Variants in CEMIP observed in about 807,000 individuals in gnomAD.
CEMIP encodes cell migration inducing hyaluronidase 1, also known as cell migration-inducing and hyaluronan-binding protein.
CEMIP carries 105 observed loss-of-function variants against 156.9 expected under a neutral mutation model. That is an observed-to-expected ratio of 0.67 (90% confidence interval 0.57 to 0.79). The LOEUF (loss-of-function observed/expected upper bound fraction) is 0.79, where lower values mean the gene tolerates loss of function less well. CEMIP is among the 30% of genes least tolerant of loss of function. The pLI is 0.00. For synonymous variants in CEMIP, 676 were observed against 668.4 expected (o/e 1.01, Z -0.17); for missense variants, 1,457 against 1,769.4 (o/e 0.82, Z 3.17).
chr15:80,875,137 G>T (rs1532956), intron 3 of CEMIP, among the ~76,000 whole-genome samples: 1 of 140,412 alleles, frequency 7.1e-6, no homozygotes, highest in Non-Finnish European at 1.5e-5. Flanking sequence ...GGGCTCAAAA[G>T]ATTCTCTCAT....
chr15:80,946,632 G>A (rs1047581993), intron 28 of CEMIP: 1 of 342,280 alleles, frequency 2.9e-6, no homozygotes, highest in Non-Finnish European at 5.7e-6. Flanking sequence ...AAGTCCTACT[G>A]TGTGCCGAGC....
chr15:80,914,238 A>G (rs994690757), intron 14 of CEMIP, among the ~76,000 whole-genome samples: 3 of 152,264 alleles, frequency 2.0e-5, no homozygotes, highest in African/African-American at 4.8e-5. Flanking sequence ...GGAATGGTCC[A>G]GTACTTTTGT....
At chr15:80,852,055 C>T (rs895151202) in intron 1 of CEMIP, among the ~76,000 whole-genome samples, 15 of 151,994 alleles carry the variant, frequency 9.9e-5, no homozygotes, top group Admixed American at 5.9e-4. Context: ...GTTGAGTTCA[C>T]GAGCAAGAGT....
At chr15:80,822,630 T>C (rs184317716) in intron 1 of CEMIP, among the ~76,000 whole-genome samples, 1 of 152,368 alleles carries the variant, frequency 6.6e-6, no homozygotes, top group East Asian at 1.9e-4. Context: ...ACATTAGCAG[T>C]GTCAATACCA....
In CEMIP at chr15:80,950,127, A is replaced by G. The variant is rs1252952383; in HGVS notation, c.*1203A>G. 1 of 152,252 alleles carries G rather than the reference A, an allele frequency of 6.6e-6. No homozygotes were observed. Among genetic ancestry groups the G allele is most frequent in the Admixed American group, 6.5e-5 (1 of 15,282 alleles). 9.4% of individuals were successfully genotyped at this position (152,252 alleles called of 1,614,324 possible). On this transcript the variant is annotated 3_prime_UTR_variant, in exon 30 of 30. Coordinates refer to ENST00000394685, the MANE Select transcript of CEMIP (RefSeq NM_001293298.2). ...TTGCTCTTCATCCAGGGAACTGAGC[A>G]CAGGGGGCCTCCAGGAGACCCTAGA...
intron 25 of CEMIP, among the ~76,000 whole-genome samples, chr15:80,939,367 G>C (rs138475095): frequency 5.9e-5 from 9 of 152,290 alleles, no homozygotes; most frequent in African/African-American, 2.2e-4. Flanking sequence ...GGGCCCAGGG[G>C]CCAGGAGTAT....
chr15:80,787,261 T>G (rs1260705616), intron 1 of CEMIP, among the ~76,000 whole-genome samples: 1 of 152,228 alleles, frequency 6.6e-6, no homozygotes, highest in Non-Finnish European at 1.5e-5. Flanking sequence ...TATGAATTAT[T>G]GAAGATGGTG....
At chr15:80,900,646 GTGTC>G (rs1567090969) in intron 12 of CEMIP, among the ~76,000 whole-genome samples, 154 of 117,332 alleles carry the variant, frequency 1.3e-3, no homozygotes, top group African/African-American at 3.3e-3. Flanking sequence ...GTGTGTGTGT[GTGTC>G]TGTGTGTGTG....
At chr15:80,898,366 C>T (rs1233023147) in intron 12 of CEMIP, among the ~76,000 whole-genome samples, 1 of 152,142 alleles carries the variant, frequency 6.6e-6, no homozygotes, top group East Asian at 1.9e-4. Context: ...ATATGTGAGG[C>T]ACTTACAATA....
At chr15:80,833,629 C>G (rs1459569911) in intron 1 of CEMIP, among the ~76,000 whole-genome samples, 1 of 151,072 alleles carries the variant, frequency 6.6e-6, no homozygotes, top group Non-Finnish European at 1.5e-5. Flanking sequence ...CCCTCCTCAT[C>G]ATCATCATTT....
intron 28 of CEMIP, 78 bp from the exon 29 acceptor site, chr15:80,946,887 C>G: frequency 2.0e-6 from 2 of 980,478 alleles, no homozygotes; most frequent in South Asian, 2.7e-5. Flanking sequence ...CCACCATGCA[C>G]AAACCAACAT....
chr15:80,801,636 C>T (rs566502048), intron 1 of CEMIP, among the ~76,000 whole-genome samples: 8 of 152,206 alleles, frequency 5.3e-5, no homozygotes, highest in Non-Finnish European at 1.2e-4. Flanking sequence ...TTGCAAAAGA[C>T]AAGGATCTGA....
intron 10 of CEMIP, among the ~76,000 whole-genome samples, chr15:80,891,788 A>G (rs575875563): frequency 1.3e-5 from 2 of 152,334 alleles, no homozygotes; most frequent in African/African-American, 4.8e-5. Context: ...TCTTTAATCA[A>G]TGGTCATCTC....
intron 1 of CEMIP, among the ~76,000 whole-genome samples, chr15:80,802,134 A>G (rs1896392488): frequency 6.6e-6 from 1 of 152,230 alleles, no homozygotes; most frequent in Non-Finnish European, 1.5e-5. Flanking sequence ...TAATTCTGCC[A>G]ACATGGCCTG....
At chr15:80,786,276 A>T (rs1895934994) in intron 1 of CEMIP, among the ~76,000 whole-genome samples, 1 of 151,760 alleles carries the variant, frequency 6.6e-6, no homozygotes, top group African/African-American at 2.4e-5. Context: ...CACTTTTGTC[A>T]CCCGGGCTAG....
At chr15:80,780,922 G>A (rs1895775929) in intron 1 of CEMIP, among the ~76,000 whole-genome samples, 1 of 152,202 alleles carries the variant, frequency 6.6e-6, no homozygotes, top group Non-Finnish European at 1.5e-5. Flanking sequence ...GGGGCCCTCG[G>A]TATTACCACT....
At chr15:80,909,829 G>A (rs748918242) in intron 14 of CEMIP, 24 of 352,158 alleles carry the variant, frequency 6.8e-5, no homozygotes, top group Admixed American at 5.2e-4. Context: ...GATAATTTTC[G>A]TACTAAATTG....
At chr15:80,943,259 G>C (rs943773359) in intron 28 of CEMIP, among the ~76,000 whole-genome samples, 157 bp downstream of exon 28, 1 of 152,250 alleles carries the variant, frequency 6.6e-6, no homozygotes, top group Admixed American at 6.5e-5. Flanking sequence ...TTGGACAAGA[G>C]CGTCCTTGCC....
At chr15:80,803,437 C>T (rs1896430086) in intron 1 of CEMIP, among the ~76,000 whole-genome samples, 1 of 151,854 alleles carries the variant, frequency 6.6e-6, no homozygotes, top group African/African-American at 2.4e-5. Flanking sequence ...TTAAGAAATG[C>T]CAAACCCAAA....
Sources: allele counts gnomAD v4.1 joint callset (sites outside exome capture counted in the v4.1 genomes callset), GRCh38; gene constraint gnomAD v4.1.1; transcripts MANE v1.5; gene names NCBI Gene and HGNC (gene_info 2026-07-23, HGNC 2026-07-21).